PTPRD: variants seen among roughly 807,000 people sequenced by gnomAD.
The protein encoded by PTPRD is protein tyrosine phosphatase receptor type D.
A neutral mutation model predicts 214.5 loss-of-function variants in PTPRD; 34 were observed. The ratio of observed to expected loss-of-function variants is 0.16; its 90% CI spans 0.12 to 0.21. PTPRD has a LOEUF of 0.21. PTPRD is among the 10% of genes least tolerant of loss of function. The pLI is 1.00. For missense variants in PTPRD, 2,545 were observed against 2,398.7 expected (o/e 1.06, Z -1.27); for synonymous variants, 1,128 against 845.7 (o/e 1.33, Z -5.79).
At chr9:9,879,321 G>T (rs1348219203) in intron 5 of PTPRD, among the ~76,000 whole-genome samples, 1 of 152,136 alleles carries the variant, frequency 6.6e-6, no homozygotes, top group Non-Finnish European at 1.5e-5. Context: ...CTCTATCCAT[G>T]AAATGTCTGT....
intron 9 of PTPRD, among the ~76,000 whole-genome samples, chr9:9,224,291 T>G (rs571514632): frequency 6.6e-6 from 1 of 152,126 alleles, no homozygotes; most frequent in South Asian, 2.1e-4. Flanking sequence ...GTATTGTGTT[T>G]GCTGGATATT....
intron 3 of PTPRD, among the ~76,000 whole-genome samples, chr9:10,282,143 G>C (rs546589029): frequency 3.9e-5 from 6 of 152,230 alleles, no homozygotes; most frequent in Admixed American, 3.9e-4. Flanking sequence ...GTAGAACTGG[G>C]TTTGAATCCA....
intron 3 of PTPRD, among the ~76,000 whole-genome samples, chr9:10,297,138 T>G (rs1357779269): frequency 2.7e-5 from 4 of 147,940 alleles, no homozygotes; most frequent in South Asian, 2.1e-4. Flanking sequence ...ATATATATTT[T>G]TATTATACTT....
At chr9:9,799,216 G>A (rs1407667178) in intron 5 of PTPRD, among the ~76,000 whole-genome samples, 2 of 152,154 alleles carry the variant, frequency 1.3e-5, no homozygotes, top group East Asian at 3.8e-4. Context: ...CACATTAAAT[G>A]CTAATAGATT....
At chr9:8,982,091 G>A (rs145609699) in intron 11 of PTPRD, among the ~76,000 whole-genome samples, 1 of 152,110 alleles carries the variant, frequency 6.6e-6, no homozygotes, top group South Asian at 2.1e-4. Flanking sequence ...AGTGAAAATA[G>A]AGGTATTTCA....
chr9:9,215,187 G>A (rs1445846569), intron 9 of PTPRD, among the ~76,000 whole-genome samples: 1 of 152,150 alleles, frequency 6.6e-6, no homozygotes, highest in Non-Finnish European at 1.5e-5. Flanking sequence ...GTCATCTGCT[G>A]GTGGGAAATG....
chr9:9,213,933 G>T (rs2099950462), intron 9 of PTPRD, among the ~76,000 whole-genome samples: 1 of 151,334 alleles, frequency 6.6e-6, no homozygotes. Flanking sequence ...ACTTTTATTT[G>T]CTCACTTTTC....
chr9:9,198,486 T>G (rs1016375722), intron 9 of PTPRD, among the ~76,000 whole-genome samples: 3 of 152,132 alleles, frequency 2.0e-5, no homozygotes, highest in African/African-American at 7.2e-5. Context: ...ACACATGCGA[T>G]GTGGAAGCGT....
chr9:10,493,954 T>C (rs955233592), intron 2 of PTPRD, among the ~76,000 whole-genome samples: 2 of 151,982 alleles, frequency 1.3e-5, no homozygotes, highest in African/African-American at 2.4e-5. Context: ...GATGATGCCA[T>C]ATCTATTTGA....
At chr9:10,242,131 C>A (rs554990887) in intron 3 of PTPRD, among the ~76,000 whole-genome samples, 5 of 151,860 alleles carry the variant, frequency 3.3e-5, no homozygotes, top group Non-Finnish European at 7.4e-5. Flanking sequence ...GGTATGTGAT[C>A]AATTTAGCAT....
At chr9:9,538,281 C>T (rs1239794725) in intron 8 of PTPRD, among the ~76,000 whole-genome samples, 1 of 151,906 alleles carries the variant, frequency 6.6e-6, no homozygotes, top group East Asian at 1.9e-4. Flanking sequence ...TAGTCACACA[C>T]ACAAGCACAG....
At chr9:10,002,802 A>G (rs890656644) in intron 4 of PTPRD, among the ~76,000 whole-genome samples, 1 of 151,576 alleles carries the variant, frequency 6.6e-6, no homozygotes, top group Non-Finnish European at 1.5e-5. Flanking sequence ...TAAAAAAAAA[A>G]GACTTCAATA....
chr9:9,112,281 A>G (rs973481436), intron 10 of PTPRD, among the ~76,000 whole-genome samples: 5 of 152,158 alleles, frequency 3.3e-5, no homozygotes, highest in Non-Finnish European at 7.3e-5. Flanking sequence ...GTACATTTTC[A>G]CTTCAGGCAG....
At chr9:9,243,339 A>C (rs910144367) in intron 9 of PTPRD, among the ~76,000 whole-genome samples, 4 of 152,172 alleles carry the variant, frequency 2.6e-5, no homozygotes, top group Admixed American at 2.6e-4. Context: ...CACAACAAAA[A>C]AAGAGAATTT....
At chr9:9,085,438 ACTAATGG>A (rs1367365277) in intron 10 of PTPRD, among the ~76,000 whole-genome samples, 3 of 152,194 alleles carry the variant, frequency 2.0e-5, no homozygotes, top group Admixed American at 2.0e-4. Context: ...TTTGACGGGT[ACTAATGG>A]ACATTTCTTC....
intron 2 of PTPRD, among the ~76,000 whole-genome samples, chr9:10,602,057 A>T (rs1285503766): frequency 6.6e-6 from 1 of 151,710 alleles, no homozygotes; most frequent in Non-Finnish European, 1.5e-5. Context: ...CTCAACTTTA[A>T]CTTTCTATTT....
At chr9:9,479,168 TTA>T in intron 8 of PTPRD, among the ~76,000 whole-genome samples, 1 of 151,122 alleles carries the variant, frequency 6.6e-6, no homozygotes, top group South Asian at 2.1e-4. Flanking sequence ...AAAATAGTTC[TTA>T]TATGAGGAGA....
At chr9:9,674,653 A>G (rs2154392174) in intron 7 of PTPRD, among the ~76,000 whole-genome samples, 1 of 151,948 alleles carries the variant, frequency 6.6e-6, no homozygotes, top group Middle Eastern at 3.4e-3. Flanking sequence ...AATGCTAACT[A>G]AGCGAATTAT....
chr9:9,720,012 T>C (rs2097908587), intron 7 of PTPRD, among the ~76,000 whole-genome samples: 1 of 152,166 alleles, frequency 6.6e-6, no homozygotes, highest in Admixed American at 6.5e-5. Flanking sequence ...TGGCTCACCC[T>C]TGGCAGGCAT....
Sources: gnomAD v4.1 joint callset for allele counts (sites outside exome capture counted in the v4.1 genomes callset) on GRCh38, gnomAD v4.1.1 for gene constraint, MANE v1.5 for transcripts, NCBI Gene and HGNC (gene_info 2026-07-23, HGNC 2026-07-21) for gene names.